ERBIN: variants seen among roughly 807,000 people sequenced by gnomAD.
The protein encoded by ERBIN is erbb2 interacting protein.
A neutral mutation model predicts 158.4 loss-of-function variants in ERBIN; 60 were observed. The ratio of observed to expected loss-of-function variants is 0.38; its 90% CI spans 0.31 to 0.47. The LOEUF (loss-of-function observed/expected upper bound fraction) is 0.47. ERBIN is among the 20% of genes least tolerant of loss of function. ERBIN has a pLI of 0.99. For missense variants in ERBIN, 1,610 were observed against 1,648.0 expected, an observed-to-expected ratio of 0.98 and a Z score of 0.40; for synonymous variants, 594 against 557.2, an observed-to-expected ratio of 1.07 and a Z score of -0.93.
chr5:66,034,898 T>C (rs1300671494), intron 14 of ERBIN, among the ~76,000 whole-genome samples: 1 of 152,112 alleles, frequency 6.6e-6, no homozygotes, highest in Non-Finnish European at 1.5e-5. Flanking sequence ...TTAAATAAGA[T>C]ACAGTGTGGT....
chr5:66,008,974 A>G (rs1034967915), intron 4 of ERBIN, among the ~76,000 whole-genome samples: 8 of 152,232 alleles, frequency 5.3e-5, no homozygotes, highest in African/African-American at 1.7e-4. Context: ...CCCAAGAGAA[A>G]TGCAAACATT....
chr5:66,038,394 G>A lies in ERBIN; in HGVS notation c.1218G>A (p.Leu406=). 6.2e-7 allele frequency: 1 copy of A among 1,610,870 alleles called. No individual in the cohort carries two copies. Among genetic ancestry groups the A allele is most frequent in the Non-Finnish European group, 8.5e-7 (1 of 1,178,016 alleles). Residue 406 remains leucine (L), a synonymous_variant, in exon 15 of 26, where the codon CTG becomes CTA. Transcript: ENST00000284037. ...TTTTCCTTCTCTAGTCCAAACCCCT[G>A]ATACCTCTTCAAAAAGAAACTGATT... is the stretch of plus-strand genomic sequence containing the variant. ...MWLSDNQSKP[L]IPLQKETDSE...
At chr5:66,034,305 T>G (rs559337802) in intron 14 of ERBIN, among the ~76,000 whole-genome samples, 1 of 152,062 alleles carries the variant, frequency 6.6e-6, no homozygotes, top group East Asian at 1.9e-4. Flanking sequence ...TGTTTTTTTT[T>G]TTAAGACAGA....
chr5:65,933,366 G>C (rs1414313752), intron 1 of ERBIN, among the ~76,000 whole-genome samples: 1 of 152,140 alleles, frequency 6.6e-6, no homozygotes, highest in Non-Finnish European at 1.5e-5. Flanking sequence ...TGATTGCTTA[G>C]AAGAGGAAAG....
intron 1 of ERBIN, among the ~76,000 whole-genome samples, chr5:65,943,334 G>A (rs1046257803): frequency 1.3e-5 from 2 of 152,224 alleles, no homozygotes; most frequent in African/African-American, 4.8e-5. Flanking sequence ...GACAGCATAT[G>A]TGGGAATAAT....
At chr5:66,076,651 C>T in intron 24 of ERBIN, 1 of 597,816 alleles carries the variant, frequency 1.7e-6, no homozygotes, top group Non-Finnish European at 2.9e-6. Flanking sequence ...ATTGCTTTTT[C>T]ACACACCTAT....
chr5:65,991,585 A>G (rs1416244925), intron 2 of ERBIN, among the ~76,000 whole-genome samples: 1 of 152,206 alleles, frequency 6.6e-6, no homozygotes, highest in Non-Finnish European at 1.5e-5. Flanking sequence ...GCACAATTCA[A>G]ATTTTTAAAA....
intron 19 of ERBIN, among the ~76,000 whole-genome samples, chr5:66,049,750 T>C (rs570877742): frequency 6.6e-6 from 1 of 152,068 alleles, no homozygotes; most frequent in East Asian, 1.9e-4. Context: ...TATGTCTATA[T>C]ACACTATTTC....
Position 66,075,079 on chromosome 5 carries a change from G to A in ERBIN, c.3812G>A (p.Ser1271Asn). The part of the protein sequence containing the change: ...GQPLRPQANY[S>N]QIHHPPQASV... Reference sequence around the variant, plus strand: ...CCTCTCAGGCCTCAGGCAAATTATAGTCAAATACATCACCCCCCTCAGGCA... The same window carrying A: ...CCTCTCAGGCCTCAGGCAAATTATAATCAAATACATCACCCCCCTCAGGCA... Residue 1271 changes from serine (S) to asparagine (N), a missense_variant, in exon 23 of 26, where the codon AGT becomes AAT. Ser to Asn is a conservative substitution (Grantham distance 46). This residue lies in a region of ERBIN where 1,014 missense variants were observed against 936.1 expected (regional missense o/e 1.08). Transcript: ENST00000284037. 1 of 1,614,114 alleles carries A rather than the reference G, an allele frequency of 6.2e-7. No individual in the cohort carries two copies. The highest frequency in any genetic ancestry group is 8.5e-7 in the Non-Finnish European group (1 of 1,180,014).
In ERBIN at chr5:66,075,234, A is replaced by G. The variant is rs1266570800; in HGVS notation, c.3963+4A>G. 2 of 1,609,702 alleles carry G rather than the reference A, an allele frequency of 1.2e-6. No homozygotes were observed. Among genetic ancestry groups the G allele is most frequent in the Admixed American group, 1.7e-5 (1 of 60,018 alleles). On this transcript the variant is annotated splice_donor_region_variant and intron_variant, in intron 23 of 25. Coordinates refer to ENST00000284037, the MANE Select transcript of ERBIN (RefSeq NM_001253697.2). ...CCATGAACTGGCAAAACAAGAGGTA[A>G]GAATAATCAAGACTATTTGAAATAT...
At chr5:66,036,735 C>G (rs1003662903) in intron 14 of ERBIN, among the ~76,000 whole-genome samples, 3 of 152,036 alleles carry the variant, frequency 2.0e-5, no homozygotes, top group African/African-American at 7.2e-5. Flanking sequence ...ATAAAAGGCT[C>G]TTAGGAAATA....
chr5:65,983,537 C>G (rs1270853802), intron 1 of ERBIN, among the ~76,000 whole-genome samples: 1 of 152,066 alleles, frequency 6.6e-6, no homozygotes, highest in East Asian at 1.9e-4. Flanking sequence ...TGGAACTAAG[C>G]ACAAATATAC....
intron 1 of ERBIN, among the ~76,000 whole-genome samples, chr5:65,927,415 T>C (rs2150819682): frequency 6.6e-6 from 1 of 152,338 alleles, no homozygotes; most frequent in South Asian, 2.1e-4. Context: ...GTGTGTAGTG[T>C]GTGTTTTTCA....
At chr5:66,028,177 A>G (rs759529125) in intron 13 of ERBIN, 97 bp from the exon 14 acceptor site, 100 of 781,118 alleles carry the variant, frequency 1.3e-4, no homozygotes, top group Non-Finnish European at 1.7e-4. Context: ...ATGTGCAACT[A>G]TATAGCATTT....
rs909893687 is a variant in ERBIN, at chr5:65,931,407, T to G, written c.-58+4601T>G. 5.9e-5 allele frequency among the ~76,000 whole-genome samples: 9 copies of G among 152,250 alleles called. No individual in the cohort carries two copies. In the East Asian group the frequency reaches 1.5e-3, roughly 26 times the overall value. Reference sequence around the variant, plus strand: ...AATCTGGGACAACTTACTTTGAGGCTAAGTGCCTTGTACATTTCATTTCCC... The same window carrying G: ...AATCTGGGACAACTTACTTTGAGGCGAAGTGCCTTGTACATTTCATTTCCC... On this transcript the variant is annotated intron_variant, in intron 1 of 25. Coordinates refer to ENST00000284037, the MANE Select transcript of ERBIN (RefSeq NM_001253697.2).
intron 1 of ERBIN, among the ~76,000 whole-genome samples, chr5:65,946,677 A>G (rs1250349511): frequency 1.3e-5 from 2 of 152,164 alleles, no homozygotes; most frequent in Admixed American, 6.5e-5. Flanking sequence ...GGTGTATCGG[A>G]TAGAAACTGC....
intron 21 of ERBIN, 73 bp downstream of exon 21, chr5:66,055,024 T>G: frequency 6.9e-7 from 1 of 1,449,090 alleles, no homozygotes; most frequent in Non-Finnish European, 9.1e-7. Context: ...TGAAACAAGA[T>G]TCTCTGAATT....
intron 20 of ERBIN, among the ~76,000 whole-genome samples, chr5:66,053,106 T>C (rs922250788): frequency 1.3e-5 from 2 of 152,176 alleles, no homozygotes; most frequent in Admixed American, 6.5e-5. Flanking sequence ...CATTAAAATT[T>C]TATTCATAGT....
chr5:66,004,600 G>A (rs556844521), intron 4 of ERBIN, among the ~76,000 whole-genome samples: 16 of 152,146 alleles, frequency 1.1e-4, no homozygotes, highest in Non-Finnish European at 1.9e-4. Context: ...ACGGGTTTTC[G>A]CCATGTTGGC....
Sources: allele counts gnomAD v4.1 joint callset (sites outside exome capture counted in the v4.1 genomes callset), GRCh38; gene constraint gnomAD v4.1.1; regional missense constraint gnomAD v4.1.1; transcripts MANE v1.5; gene names NCBI Gene and HGNC (gene_info 2026-07-23, HGNC 2026-07-21).